APBB2: variants seen among roughly 807,000 people sequenced by gnomAD.
APBB2 encodes Fe65-like 1.
APBB2 carries 38 observed loss-of-function variants against 82.5 expected under a neutral mutation model. The observed-to-expected ratio is 0.46, with a 90% CI of 0.36 to 0.60. APBB2 has a LOEUF of 0.60. Among genes scored for constraint, APBB2 ranks in the 20% least tolerant of loss-of-function variants. The pLI, the probability that APBB2 is intolerant of heterozygous loss-of-function variation, is 0.00. For synonymous variants in APBB2, 341 were observed against 368.2 expected, an observed-to-expected ratio of 0.93 and a Z score of 0.85; for missense variants, 772 against 972.3, an observed-to-expected ratio of 0.79 and a Z score of 2.74.
chr4:41,141,366 A>G (rs1000749379), intron 2 of APBB2, among the ~76,000 whole-genome samples: 1 of 151,690 alleles, frequency 6.6e-6, no homozygotes, highest in Non-Finnish European at 1.5e-5. Flanking sequence ...CTGTGTGCAC[A>G]CGCGCATGTG....
intron 13 of APBB2, among the ~76,000 whole-genome samples, chr4:40,827,709 C>T (rs1023490774): frequency 2.0e-5 from 3 of 152,182 alleles, no homozygotes; most frequent in Non-Finnish European, 2.9e-5. Context: ...CCACTGCACA[C>T]GGAGGTGGTT....
chr4:40,977,874 G>A (rs1797577017), intron 6 of APBB2, among the ~76,000 whole-genome samples: 1 of 152,156 alleles, frequency 6.6e-6, no homozygotes, highest in Non-Finnish European at 1.5e-5. Context: ...GTGCACAGGA[G>A]TTTCATATAA....
chr4:41,183,742 A>C (rs62410019), intron 1 of APBB2, among the ~76,000 whole-genome samples: 6,265 of 151,130 alleles, frequency 0.041, 182 homozygotes, highest in Non-Finnish European at 0.062. Context: ...GTAAAACAAT[A>C]ATTTGTGTTG....
intron 12 of APBB2, among the ~76,000 whole-genome samples, chr4:40,886,332 T>C (rs532403457): frequency 6.6e-6 from 1 of 152,128 alleles, no homozygotes; most frequent in Admixed American, 6.5e-5. Context: ...TACAAAAAAT[T>C]GGCCGGGCGT....
chr4:41,112,785 C>T (rs985974213), intron 2 of APBB2, among the ~76,000 whole-genome samples: 18 of 152,144 alleles, frequency 1.2e-4, no homozygotes, highest in African/African-American at 3.4e-4. Context: ...GTCAGGAGTT[C>T]GAGACCAGCC....
chr4:41,050,243 A>G (rs1382261659), intron 4 of APBB2, among the ~76,000 whole-genome samples: 1 of 152,256 alleles, frequency 6.6e-6, no homozygotes, highest in Admixed American at 6.5e-5. Context: ...TTCTGGGATC[A>G]TTCCAAGGTA....
chr4:41,190,711 T>C (rs1460970332), intron 1 of APBB2, among the ~76,000 whole-genome samples: 1 of 152,180 alleles, frequency 6.6e-6, no homozygotes, highest in Non-Finnish European at 1.5e-5. Context: ...GACAACTTCA[T>C]ACTAATCACA....
At chr4:41,099,177 G>A (rs909235565) in intron 3 of APBB2, among the ~76,000 whole-genome samples, 4 of 152,138 alleles carry the variant, frequency 2.6e-5, no homozygotes, top group African/African-American at 7.2e-5. Context: ...TGTATGTGCA[G>A]TGTCTATGTC....
intron 1 of APBB2, among the ~76,000 whole-genome samples, chr4:41,151,109 C>T (rs767349471): frequency 2.0e-5 from 3 of 152,266 alleles, no homozygotes; most frequent in Non-Finnish European, 4.4e-5. Context: ...CATTTCTTTA[C>T]ATTTTCATAC....
intron 6 of APBB2, among the ~76,000 whole-genome samples, chr4:40,996,010 T>C (rs1415941734): frequency 1.3e-5 from 2 of 152,214 alleles, no homozygotes; most frequent in African/African-American, 2.4e-5. Flanking sequence ...GCCTCTTAGC[T>C]AGATTGTTGG....
intron 6 of APBB2, among the ~76,000 whole-genome samples, chr4:41,000,105 G>GTGTGTGTGTGTGTGTGTGTGTGTGTA (rs10694468): frequency 1.0e-4 from 14 of 135,150 alleles, no homozygotes; most frequent in South Asian, 2.4e-4. Flanking sequence ...GTGTGTGTGT[G>GTGTGTGTGTGTGTGTGTGTGTGTGTA]TATAAATTAG....
At chr4:40,907,849 T>G (rs539799425) in intron 10 of APBB2, among the ~76,000 whole-genome samples, 4 of 151,504 alleles carry the variant, frequency 2.6e-5, no homozygotes, top group Non-Finnish European at 5.9e-5. Flanking sequence ...GTTTTTTTTT[T>G]GTAGAAATGG....
At chr4:41,111,407 T>C (rs761326341) in intron 2 of APBB2, among the ~76,000 whole-genome samples, 1 of 152,242 alleles carries the variant, frequency 6.6e-6, no homozygotes, top group Non-Finnish European at 1.5e-5. Context: ...TTCTAACAAG[T>C]TCCCAAGAGA....
intron 11 of APBB2, chr4:40,891,023 C>T (rs1167095170): frequency 6.6e-6 from 1 of 152,536 alleles, no homozygotes; most frequent in Non-Finnish European, 1.5e-5. Context: ...CAATGGCAAA[C>T]ATTTAAATGA....
intron 4 of APBB2, among the ~76,000 whole-genome samples, chr4:41,045,676 T>C (rs189468084): frequency 5.3e-5 from 8 of 152,340 alleles, no homozygotes; most frequent in Admixed American, 3.3e-4. Context: ...CTTAAAAAGT[T>C]TGTATGGGAT....
chr4:41,020,733 T>C (rs1811257498), intron 5 of APBB2, among the ~76,000 whole-genome samples: 1 of 151,756 alleles, frequency 6.6e-6, no homozygotes, highest in Admixed American at 6.6e-5. Flanking sequence ...TACCACACAC[T>C]CTCAAAGGAT....
At chr4:40,984,878 C>T (rs1218089957) in intron 6 of APBB2, among the ~76,000 whole-genome samples, 2 of 152,006 alleles carry the variant, frequency 1.3e-5, no homozygotes, top group African/African-American at 4.8e-5. Context: ...TTGGTGAACA[C>T]CGTATTTAGC....
At chr4:40,914,566 A>G (rs1779384029) in intron 10 of APBB2, among the ~76,000 whole-genome samples, 2 of 152,234 alleles carry the variant, frequency 1.3e-5, no homozygotes, top group East Asian at 1.9e-4. Context: ...AAATAAATAC[A>G]TAGGTAGATA....
chr4:41,212,386 C>T (rs1465464553), intron 1 of APBB2, among the ~76,000 whole-genome samples: 1 of 152,154 alleles, frequency 6.6e-6, no homozygotes, highest in African/African-American at 2.4e-5. Context: ...GTTGCCCAGG[C>T]TGGAGTGCAG....
Sources: allele counts gnomAD v4.1 joint callset (sites outside exome capture counted in the v4.1 genomes callset), GRCh38; gene constraint gnomAD v4.1.1; transcripts MANE v1.5; gene names NCBI Gene and HGNC (gene_info 2026-07-23, HGNC 2026-07-21).